Variants in SIPA1L2 observed in about 807,000 individuals in gnomAD.
SIPA1L2 encodes signal induced proliferation associated 1 like 2, also known as signal-induced proliferation-associated 1-like protein 2.
Under a neutral mutation model 163.9 loss-of-function variants are expected in SIPA1L2, and 56 were observed. That is an observed-to-expected ratio of 0.34 (90% CI 0.28 to 0.43). SIPA1L2 has a LOEUF of 0.43. SIPA1L2 is among the 20% of genes least tolerant of loss of function. The pLI is 1.00. For missense variants in SIPA1L2, 1,974 were observed against 2,193.5 expected (o/e 0.90, Z 2.00); for synonymous variants, 877 against 865.7 (o/e 1.01, Z -0.23).
At chr1:232,401,836 G>A (rs546094895) in intron 22 of SIPA1L2, among the ~76,000 whole-genome samples, 1 of 152,180 alleles carries the variant, frequency 6.6e-6, no homozygotes, top group African/African-American at 2.4e-5. Context: ...GCTTGCTACC[G>A]CACCCCATTC....
At chr1:232,574,977 C>T (rs1166437971) in intron 1 of SIPA1L2, among the ~76,000 whole-genome samples, 2 of 152,106 alleles carry the variant, frequency 1.3e-5, no homozygotes. Context: ...GGTTATTTGC[C>T]CCAGGCGAAT....
At chr1:232,617,065 T>C (rs929176980) in intron 1 of SIPA1L2, among the ~76,000 whole-genome samples, 2 of 152,240 alleles carry the variant, frequency 1.3e-5, no homozygotes, top group African/African-American at 4.8e-5. Flanking sequence ...TTTGAAATAA[T>C]TGGAAATAAT....
At chr1:232,564,577 C>T (rs547003218) in intron 2 of SIPA1L2, among the ~76,000 whole-genome samples, 27 of 151,950 alleles carry the variant, frequency 1.8e-4, no homozygotes, top group Non-Finnish European at 2.9e-4. Context: ...CTACAAGAAA[C>T]CATCAGATGA....
At chr1:232,621,200 A>AT (rs1662791062) in intron 1 of SIPA1L2, among the ~76,000 whole-genome samples, 1 of 152,194 alleles carries the variant, frequency 6.6e-6, no homozygotes, top group Admixed American at 6.5e-5. Context: ...AAATTACAAA[A>AT]TTTCTAGTTA....
chr1:232,577,171 T>C (rs35839585), intron 1 of SIPA1L2, among the ~76,000 whole-genome samples: 9,745 of 152,272 alleles, frequency 0.064, 382 homozygotes, highest in Non-Finnish European at 0.089. Context: ...CCAAAAATCT[T>C]TGGGCCCTTA....
At chr1:232,566,940 T>C (rs1659438254) in intron 2 of SIPA1L2, among the ~76,000 whole-genome samples, 1 of 152,210 alleles carries the variant, frequency 6.6e-6, no homozygotes, top group Non-Finnish European at 1.5e-5. Context: ...TATATGAACA[T>C]ATAGAAGATA....
chr1:232,398,170 G>A lies in SIPA1L2; in HGVS notation c.*957C>T, dbSNP rs1660133724. ...GCAGCTACCTCCATCCCTCATCGTA[G>A]TGCAGGCCAAACCAAATTTTATAAA... On this transcript the variant is annotated 3_prime_UTR_variant, in exon 23 of 23. Coordinates refer to ENST00000674635, the MANE Select transcript of SIPA1L2 (RefSeq NM_020808.5). The A allele has an allele frequency of 6.6e-6, 1 of 152,570 alleles. No individual in the cohort carries two copies. The highest frequency in any genetic ancestry group is 6.5e-5 in the Admixed American group (1 of 15,270). 9.5% of individuals were successfully genotyped at this position (152,570 alleles called of 1,614,324 possible).
rs1662915510 is a variant in SIPA1L2 at position 232,441,821 on chromosome 1, T to G, written c.3485A>C (p.Glu1162Ala). ...LLEHQGSGPL[E>A]CDGAREREDT... The stretch of plus-strand genomic sequence containing the variant: ...TTCCCTCTCCCTGGCTCCGTCACAT[T>G]CCAAAGGGCCTGAGCCCTGGTGTTC... The change falls in exon 13 of 23, where the codon GAA becomes GCA. Residue 1162 changes from glutamate (E) to alanine (A), a missense_variant. By Grantham distance (107) the Glu-to-Ala change is moderately radical. This residue lies in a region of SIPA1L2 where 1,079 missense variants were observed against 1,150.7 expected (regional missense o/e 0.94). Transcript: ENST00000674635. The G allele has an allele frequency of 1.2e-6, 2 of 1,613,590 alleles. No individual in the cohort carries two copies. The highest frequency in any genetic ancestry group is 1.7e-6 in the Non-Finnish European group (2 of 1,179,904).
At chr1:232,599,889 G>A (rs1349651151) in intron 1 of SIPA1L2, among the ~76,000 whole-genome samples, 2 of 152,230 alleles carry the variant, frequency 1.3e-5, no homozygotes, top group African/African-American at 4.8e-5. Flanking sequence ...ATCTACCTAG[G>A]CATATCCTGT....
At chr1:232,458,897 G>T (rs1367043055) in intron 10 of SIPA1L2, among the ~76,000 whole-genome samples, 1 of 152,072 alleles carries the variant, frequency 6.6e-6, no homozygotes, top group East Asian at 1.9e-4. Flanking sequence ...TGTGATTCAT[G>T]GGACTCTGGA....
intron 8 of SIPA1L2, among the ~76,000 whole-genome samples, chr1:232,470,867 A>C (rs1479355946): frequency 1.3e-5 from 2 of 152,162 alleles, no homozygotes; most frequent in Non-Finnish European, 2.9e-5. Context: ...ATTCCCTAAG[A>C]TTTCCTAAGA....
At chr1:232,573,144 A>G (rs1196375600) in intron 2 of SIPA1L2, among the ~76,000 whole-genome samples, 3 of 152,118 alleles carry the variant, frequency 2.0e-5, no homozygotes, top group East Asian at 1.9e-4. Context: ...AACACGCATA[A>G]AAGACAAAGG....
intron 19 of SIPA1L2, among the ~76,000 whole-genome samples, chr1:232,408,013 C>T (rs574446560): frequency 6.6e-6 from 1 of 152,050 alleles, no homozygotes; most frequent in African/African-American, 2.4e-5. Flanking sequence ...TATCAGGTAC[C>T]CCCAAACTTG....
intron 10 of SIPA1L2, among the ~76,000 whole-genome samples, chr1:232,447,355 C>T (rs1374311857): frequency 6.6e-6 from 1 of 152,238 alleles, no homozygotes; most frequent in African/African-American, 2.4e-5. Context: ...CTACCCCCAG[C>T]TGGCTGATCT....
chr1:232,425,875 A>T (rs1487162545), intron 17 of SIPA1L2, 67 bp from the exon 18 acceptor site: 1 of 1,397,020 alleles, frequency 7.2e-7, no homozygotes, highest in Non-Finnish European at 1.0e-6. Context: ...GGCTTGTTGG[A>T]CTAAGTCCAG....
chr1:232,479,499 G>T, intron 7 of SIPA1L2, 128 bp downstream of exon 7: 1 of 722,056 alleles, frequency 1.4e-6, no homozygotes, highest in Non-Finnish European at 2.4e-6. Flanking sequence ...AAGAGTCAAA[G>T]ATGATTAATG....
chr1:232,587,969 T>C (rs1660759276), intron 1 of SIPA1L2, among the ~76,000 whole-genome samples: 1 of 152,246 alleles, frequency 6.6e-6, no homozygotes, highest in Non-Finnish European at 1.5e-5. Flanking sequence ...CCCAGCCATG[T>C]GGTACTGTGG....
chr1:232,575,148 G>A (rs1419833507), intron 1 of SIPA1L2, among the ~76,000 whole-genome samples: 1 of 152,108 alleles, frequency 6.6e-6, no homozygotes, highest in Non-Finnish European at 1.5e-5. Context: ...GACTCAAAAC[G>A]CAACAATGTG....
At chr1:232,528,922 G>C (rs1448973619) in intron 2 of SIPA1L2, among the ~76,000 whole-genome samples, 1 of 151,976 alleles carries the variant, frequency 6.6e-6, no homozygotes, top group Non-Finnish European at 1.5e-5. Context: ...TGGTGTTTTG[G>C]GTGTTAACCA....
Sources: gnomAD v4.1 joint callset for allele counts (sites outside exome capture counted in the v4.1 genomes callset) on GRCh38, gnomAD v4.1.1 for gene constraint, gnomAD v4.1.1 regional missense constraint, MANE v1.5 for transcripts, NCBI Gene and HGNC (gene_info 2026-07-23, HGNC 2026-07-21) for gene names.